Variants in FAM184B observed in about 807,000 individuals in gnomAD.
The protein encoded by FAM184B is protein FAM184B.
Under a neutral mutation model 135.9 loss-of-function variants are expected in FAM184B, and 111 were observed. The observed-to-expected ratio is 0.82, with a 90% CI of 0.70 to 0.96. FAM184B has a LOEUF of 0.96. Ranked by LOEUF, FAM184B falls within the 40% of genes least tolerant of loss-of-function variation. FAM184B has a pLI of 0.00. For missense variants in FAM184B, 1,375 were observed against 1,323.9 expected, an observed-to-expected ratio of 1.04 and a Z score of -0.60; for synonymous variants, 552 against 524.8, an observed-to-expected ratio of 1.05 and a Z score of -0.71.
intron 1 of FAM184B, among the ~76,000 whole-genome samples, chr4:17,770,611 A>G (rs377425121): frequency 6.6e-6 from 1 of 152,086 alleles, no homozygotes; most frequent in African/African-American, 2.4e-5. Flanking sequence ...TTACAGGTGC[A>G]TACCACCAAA....
intron 1 of FAM184B, among the ~76,000 whole-genome samples, chr4:17,767,766 T>TA (rs1235202507): frequency 4.8e-5 from 6 of 124,634 alleles, no homozygotes; most frequent in Non-Finnish European, 9.4e-5. Context: ...GATGAGAAAT[T>TA]AAAAGATCAC....
At chr4:17,693,583 C>T (rs3733581) in intron 5 of FAM184B, among the ~76,000 whole-genome samples, 171 bp from the exon 6 acceptor site, 9 of 152,076 alleles carry the variant, frequency 5.9e-5, no homozygotes, top group Non-Finnish European at 1.2e-4. Context: ...CACGTGTTAA[C>T]GTCACAACAC....
chr4:17,676,056 C>G (rs1019141720), intron 7 of FAM184B, among the ~76,000 whole-genome samples: 1 of 152,192 alleles, frequency 6.6e-6, no homozygotes, highest in African/African-American at 2.4e-5. Context: ...GCTAACTGTT[C>G]AGCACAAGAT....
intron 11 of FAM184B, among the ~76,000 whole-genome samples, chr4:17,649,287 A>G (rs1427923478): frequency 6.6e-6 from 1 of 152,158 alleles, no homozygotes; most frequent in Admixed American, 6.5e-5. Context: ...TTTGGATGAT[A>G]TTAAGATGAA....
chr4:17,632,557 C>CA lies in FAM184B; in HGVS notation c.3157dup (p.Trp1053LeufsTer11). The CA allele has an allele frequency of 6.4e-7, 1 of 1,551,324 alleles. No homozygotes were observed. The highest frequency in any genetic ancestry group is 8.7e-7 in the Non-Finnish European group (1 of 1,146,756). ...TTAGAAAGAAAAGTACTTGGTGAAC[C>CA]ATTCCTGGTGCGGAGAGCCCTGTTT... On this transcript the variant is annotated frameshift_variant, in exon 18 of 18. Coordinates refer to ENST00000265018, the MANE Select transcript of FAM184B (RefSeq NM_015688.2). LOFTEE classifies it high-confidence loss of function.
Position 17,647,854 on chromosome 4 carries a change from G to A in FAM184B, c.2192-63C>T, listed in dbSNP as rs543998326. The A allele has an allele frequency of 7.4e-6, 11 of 1,488,602 alleles. No individual in the cohort carries two copies. The African/African-American group carries it at 1.4e-4, about 19-fold the overall frequency. 92.2% of individuals were successfully genotyped at this position (1,488,602 alleles called of 1,614,324 possible). ...TCTAGGCTGAAGCCTGTGTCATGGG[G>A]ACAACAGTCTCTGGGGTGGGGTTGG... is the stretch of plus-strand genomic sequence containing the variant. On this transcript the variant is annotated intron_variant, in intron 11 of 17. Transcript: ENST00000265018.
intron 12 of FAM184B, among the ~76,000 whole-genome samples, chr4:17,643,612 C>T (rs373161952): frequency 1.1e-4 from 17 of 152,228 alleles, no homozygotes; most frequent in East Asian, 7.7e-4. Flanking sequence ...TAATGGAACA[C>T]GTTCTGTCTT....
At chr4:17,761,596 G>C (rs181369140) in intron 1 of FAM184B, among the ~76,000 whole-genome samples, 13 of 152,294 alleles carry the variant, frequency 8.5e-5, no homozygotes, top group Non-Finnish European at 1.5e-5. Context: ...GCACGATCTT[G>C]GCTTACTGCA....
chr4:17,633,459 C>A, intron 17 of FAM184B: 1 of 422,122 alleles, frequency 2.4e-6, no homozygotes. Flanking sequence ...GGCCACAGAG[C>A]TAAGAATGAG....
chr4:17,749,510 C>T (rs1449171530), intron 1 of FAM184B, among the ~76,000 whole-genome samples: 1 of 152,040 alleles, frequency 6.6e-6, no homozygotes, highest in Non-Finnish European at 1.5e-5. Context: ...TTATTAAAAA[C>T]TATCAATGGA....
chr4:17,638,135 T>C (rs531303753), intron 14 of FAM184B, among the ~76,000 whole-genome samples: 445 of 3,082 alleles, frequency 0.14, 10 homozygotes, highest in African/African-American at 0.31. Flanking sequence ...AACTGTTTGC[T>C]TTTTTTTTTT....
intron 5 of FAM184B, among the ~76,000 whole-genome samples, chr4:17,697,451 A>G (rs1716890230): frequency 6.6e-6 from 1 of 152,210 alleles, no homozygotes; most frequent in Non-Finnish European, 1.5e-5. Flanking sequence ...GTCTCTGTTC[A>G]GTAAATCTAT....
At chr4:17,748,241 C>T (rs1467711466) in intron 1 of FAM184B, among the ~76,000 whole-genome samples, 6 of 151,926 alleles carry the variant, frequency 3.9e-5, no homozygotes, top group Non-Finnish European at 8.8e-5. Context: ...CTCTTGCTCT[C>T]TGAGGTGCGT....
intron 1 of FAM184B, among the ~76,000 whole-genome samples, chr4:17,741,559 T>G (rs1311011686): frequency 1.3e-5 from 2 of 152,152 alleles, no homozygotes; most frequent in African/African-American, 2.4e-5. Context: ...CTGGGCGTGG[T>G]GGCGCATGCC....
At chr4:17,739,445 G>A (rs1157652298) in intron 1 of FAM184B, among the ~76,000 whole-genome samples, 1 of 151,842 alleles carries the variant, frequency 6.6e-6, no homozygotes, top group Non-Finnish European at 1.5e-5. Context: ...TGGGAGAGGC[G>A]ACGTTAGCCA....
At chr4:17,659,334 T>G (rs1025771704) in intron 9 of FAM184B, among the ~76,000 whole-genome samples, 6 of 151,996 alleles carry the variant, frequency 3.9e-5, no homozygotes, top group Admixed American at 3.9e-4. Context: ...CTTGAACTCC[T>G]AGGCTCAAGC....
At chr4:17,688,320 T>C (rs1425279612) in intron 7 of FAM184B, 104 bp downstream of exon 7, 2 of 804,996 alleles carry the variant, frequency 2.5e-6, no homozygotes, top group Non-Finnish European at 3.9e-6. Context: ...CGAGGAGAGA[T>C]GTAAAAGAGC....
intron 1 of FAM184B, among the ~76,000 whole-genome samples, chr4:17,747,853 G>A (rs1283013017): frequency 7.0e-6 from 1 of 142,004 alleles, no homozygotes; most frequent in Non-Finnish European, 1.5e-5. Context: ...CCCGGGAGGC[G>A]GAGCTTGCAG....
At chr4:17,717,255 T>C (rs907568563) in intron 1 of FAM184B, among the ~76,000 whole-genome samples, 1 of 152,218 alleles carries the variant, frequency 6.6e-6, no homozygotes, top group Non-Finnish European at 1.5e-5. Flanking sequence ...ACGTAGTAAA[T>C]ACTTATTAAA....
Sources: allele counts gnomAD v4.1 joint callset (sites outside exome capture counted in the v4.1 genomes callset), GRCh38; gene constraint gnomAD v4.1.1; transcripts MANE v1.5; gene names NCBI Gene and HGNC (gene_info 2026-07-23, HGNC 2026-07-21).